The following DOCK8 variants were observed in gnomAD, a reference collection of about 807,000 sequenced individuals.
DOCK8 encodes the protein dedicator of cytokinesis 8, also known as dedicator of cytokinesis protein 8.
Under a neutral mutation model 245.6 loss-of-function variants are expected in DOCK8, and 141 were observed. The ratio of observed to expected loss-of-function variants is 0.57; its 90% CI spans 0.50 to 0.66. The LOEUF is 0.66. Among genes scored for constraint, DOCK8 ranks in the 30% least tolerant of loss-of-function variants. DOCK8 has a pLI of 0.00. For synonymous variants in DOCK8, 1,168 were observed against 970.2 expected, an observed-to-expected ratio of 1.20 and a Z score of -3.79; for missense variants, 2,965 against 2,603.4, an observed-to-expected ratio of 1.14 and a Z score of -3.02.
chr9:258,234 T>C (rs1303010626), intron 1 of DOCK8, among the ~76,000 whole-genome samples: 1 of 152,204 alleles, frequency 6.6e-6, no homozygotes, highest in African/African-American at 2.4e-5. Flanking sequence ...CTCCATGTCT[T>C]TACTGAAGTC....
intron 1 of DOCK8, chr9:215,502 G>C (rs2046729494): frequency 1.3e-5 from 19 of 1,429,474 alleles, no homozygotes; most frequent in Non-Finnish European, 1.7e-5. Context: ...GTCGTCCTGA[G>C]CAAGGCTCCG....
At chr9:234,208 A>G (rs2047192817) in intron 1 of DOCK8, among the ~76,000 whole-genome samples, 1 of 152,174 alleles carries the variant, frequency 6.6e-6, no homozygotes, top group South Asian at 2.1e-4. Context: ...TTCCTTTCAG[A>G]ATGTTGAATA....
chr9:300,722 A>C (rs1171727355), intron 4 of DOCK8, among the ~76,000 whole-genome samples: 2 of 152,172 alleles, frequency 1.3e-5, no homozygotes, highest in Non-Finnish European at 2.9e-5. Context: ...AAATACCCCT[A>C]TGCACACAAA....
rs1469206189 is a variant in DOCK8 at position 424,311 on chromosome 9, G to C, written c.4241+2176G>C. 2.6e-5 allele frequency among the ~76,000 whole-genome samples: 4 copies of C among 151,950 alleles called. No individual in the cohort carries two copies. The East Asian group carries it at 7.7e-4, about 29-fold the overall frequency. On this transcript the variant is annotated intron_variant, in intron 33 of 47. Transcript: ENST00000432829. The stretch of plus-strand genomic sequence containing the variant: ...CTACTTCAATTGGAAACTCCAGCAG[G>C]ACCCAGAAATCAGTATTTGGTAAAA...
chr9:261,458 T>C (rs534421602), intron 1 of DOCK8, among the ~76,000 whole-genome samples: 1 of 152,358 alleles, frequency 6.6e-6, no homozygotes, highest in Admixed American at 6.5e-5. Context: ...TAGTTCTACA[T>C]GGCATCAGAC....
Position 446,291 on chromosome 9 carries a change from C to T in DOCK8, c.5581-79C>T. Reference sequence around the variant, plus strand: ...AGGGCGGTGCCGGCACGCCGTGTTCCTGCATGCCCCTCCATTGCGTCAGGG... The same window carrying T: ...AGGGCGGTGCCGGCACGCCGTGTTCTTGCATGCCCCTCCATTGCGTCAGGG... On this transcript the variant is annotated intron_variant, in intron 43 of 47. Coordinates refer to ENST00000432829, the MANE Select transcript of DOCK8 (RefSeq NM_203447.4). The T allele has an allele frequency of 4.1e-6, 5 of 1,217,796 alleles. No homozygotes were observed. The South Asian group carries it at 6.1e-5, about 15-fold the overall frequency. 75.4% of individuals were successfully genotyped at this position (1,217,796 alleles called of 1,614,324 possible). A position where few individuals can be genotyped will look rare whatever the true frequency, so the allele number is the denominator to read the frequency against.
intron 1 of DOCK8, 25 bp downstream of exon 1, chr9:215,054 G>C (rs754090358): frequency 7.0e-4 from 1,089 of 1,561,490 alleles, no homozygotes; most frequent in Non-Finnish European, 8.6e-4. Context: ...GCGGCGCGCA[G>C]GTTGCGGCCG....
chr9:425,457 G>A (rs561107697), intron 33 of DOCK8, among the ~76,000 whole-genome samples: 26 of 151,340 alleles, frequency 1.7e-4, no homozygotes, highest in South Asian at 1.3e-3. Flanking sequence ...GCGTGAACCC[G>A]GGAAGTGGAG....
At position 386,679 on chromosome 9, in the gene DOCK8, C is replaced by T. The variant is rs7862373; in HGVS notation, c.2874+253C>T. 0.087 allele frequency among the ~76,000 whole-genome samples: 13,289 copies of T among 152,166 alleles called. 1,902 individuals carry two copies. Among genetic ancestry groups the T allele is most frequent in the African/African-American group, 0.3 (12,590 of 41,462 alleles). ...ACCTGGAAGCCTTGTTAAAACTCAT[C>T]GCTGGACCCTACCTCCTGAGTTTCT... On this transcript the variant is annotated intron_variant, in intron 23 of 47. Coordinates refer to ENST00000432829, the MANE Select transcript of DOCK8 (RefSeq NM_203447.4).
Position 429,756 on chromosome 9 carries a change from C to G in DOCK8, c.4528C>G (p.Gln1510Glu), listed in dbSNP as rs762051692. 2 of 1,614,148 alleles carry G rather than the reference C, an allele frequency of 1.2e-6. No homozygotes were observed. The highest frequency in any genetic ancestry group is 8.5e-7 in the Non-Finnish European group (1 of 1,180,028). Reference protein sequence around the residue: ...EVEQCFDLCHQVLHHCSSSMD... With the variant: ...EVEQCFDLCHEVLHHCSSSMD... ...GGAACAGTGTTTCGACCTATGTCAC[C>G]AAGTCCTGCACCACTGCAGCAGCAG... Residue 1510 changes from glutamine (Q) to glutamate (E), a missense_variant, in exon 36 of 48, where the codon CAA (glutamine) becomes GAA (glutamate). Coordinates refer to ENST00000432829, the MANE Select transcript of DOCK8 (RefSeq NM_203447.4).
chr9:315,798 C>A (rs1025972880), intron 6 of DOCK8, among the ~76,000 whole-genome samples: 3 of 152,144 alleles, frequency 2.0e-5, no homozygotes, highest in African/African-American at 4.8e-5. Context: ...CAATGAAAAT[C>A]TTTTTTAAAA....
At chr9:319,582 G>A (rs2050496650) in intron 7 of DOCK8, among the ~76,000 whole-genome samples, 1 of 152,088 alleles carries the variant, frequency 6.6e-6, no homozygotes, top group Admixed American at 6.5e-5. Context: ...AAAAATATAA[G>A]GGTAATATTA....
intron 4 of DOCK8, among the ~76,000 whole-genome samples, 193 bp downstream of exon 4, chr9:289,774 T>G (rs940359254): frequency 6.6e-6 from 1 of 152,220 alleles, no homozygotes; most frequent in Non-Finnish European, 1.5e-5. Context: ...CATCTCACTT[T>G]AGTGTGGTAC....
chr9:215,830 G>T (rs2046738476), intron 1 of DOCK8: 2 of 171,082 alleles, frequency 1.2e-5, no homozygotes. Context: ...AAAAACTGCT[G>T]ACAAGTAATT....
intron 1 of DOCK8, among the ~76,000 whole-genome samples, chr9:221,712 C>A (rs2046886528): frequency 6.6e-6 from 1 of 151,050 alleles, no homozygotes; most frequent in South Asian, 2.1e-4. Context: ...GTCCCAGCTA[C>A]TCAGGAGGTT....
At chr9:389,437 T>G (rs77340411) in intron 23 of DOCK8, among the ~76,000 whole-genome samples, 4,153 of 152,280 alleles carry the variant, frequency 0.027, 165 homozygotes, top group African/African-American at 0.094. Flanking sequence ...TTAAGGCTGA[T>G]ACTACTATGC....
intron 6 of DOCK8, among the ~76,000 whole-genome samples, chr9:313,385 G>A (rs2050209101): frequency 6.6e-6 from 1 of 152,128 alleles, no homozygotes; most frequent in African/African-American, 2.4e-5. Context: ...CTTAATGATT[G>A]GGGTCCTGAA....
At chr9:431,901 A>T (rs1428943503) in intron 36 of DOCK8, among the ~76,000 whole-genome samples, 14 of 152,250 alleles carry the variant, frequency 9.2e-5, no homozygotes, top group Admixed American at 9.2e-4. Flanking sequence ...TCCAGCTTGC[A>T]GCACAAAGGC....
At chr9:415,694 A>G (rs1564036267) in intron 29 of DOCK8, among the ~76,000 whole-genome samples, 1 of 147,458 alleles carries the variant, frequency 6.8e-6, no homozygotes, top group African/African-American at 2.4e-5. Context: ...GCGCGCGTGC[A>G]CACACACACA....
Sources: allele counts gnomAD v4.1 joint callset (sites outside exome capture counted in the v4.1 genomes callset), GRCh38; gene constraint gnomAD v4.1.1; transcripts MANE v1.5; gene names NCBI Gene and HGNC (gene_info 2026-07-23, HGNC 2026-07-21).